Variants in LAMA3 observed in about 807,000 individuals in gnomAD.
LAMA3 encodes the protein laminin subunit alpha 3, also known as laminin subunit alpha-3.
In LAMA3, 281 loss-of-function variants were observed where a neutral mutation model predicts 402.0. The observed-to-expected ratio is 0.70, with a 90% CI of 0.63 to 0.77. The LOEUF (loss-of-function observed/expected upper bound fraction) is 0.77, where lower values mean the gene tolerates loss of function less well. Among genes scored for constraint, LAMA3 ranks in the 30% least tolerant of loss-of-function variants. The pLI, the probability that LAMA3 is intolerant of heterozygous loss-of-function variation, is 0.00. For synonymous variants in LAMA3, 1,431 were observed against 1,558.4 expected, an observed-to-expected ratio of 0.92 and a Z score of 1.93; for missense variants, 3,840 against 4,215.5, an observed-to-expected ratio of 0.91 and a Z score of 2.47.
intron 38 of LAMA3, among the ~76,000 whole-genome samples, chr18:23,873,408 C>T (rs566859326): frequency 4.5e-4 from 68 of 152,260 alleles, no homozygotes; most frequent in African/African-American, 1.3e-3. Flanking sequence ...ACCGCAAACC[C>T]CATTAACATC....
intron 8 of LAMA3, among the ~76,000 whole-genome samples, chr18:23,763,847 T>C (rs572181240): frequency 6.6e-6 from 1 of 152,284 alleles, no homozygotes; most frequent in East Asian, 1.9e-4. Context: ...GGAGGACAAG[T>C]AGTTATTAAT....
chr18:23,801,392 T>A (rs2062863376), intron 12 of LAMA3, among the ~76,000 whole-genome samples: 1 of 152,074 alleles, frequency 6.6e-6, no homozygotes, highest in Non-Finnish European at 1.5e-5. Flanking sequence ...ACACCAAACC[T>A]CAGCAACACT....
chr18:23,740,287 A>G (rs1473320110), intron 2 of LAMA3, among the ~76,000 whole-genome samples: 2 of 152,170 alleles, frequency 1.3e-5, no homozygotes, highest in African/African-American at 4.8e-5. Flanking sequence ...ATGATTAAAG[A>G]CCACTAGGAC....
chr18:23,875,326 A>G (rs1425279032), intron 38 of LAMA3, among the ~76,000 whole-genome samples: 3 of 152,188 alleles, frequency 2.0e-5, no homozygotes, highest in Admixed American at 6.5e-5. Context: ...TTTTAAAAAG[A>G]TATTAGTTCA....
chr18:23,737,566 G>C (rs558101636), intron 2 of LAMA3, among the ~76,000 whole-genome samples: 1 of 152,358 alleles, frequency 6.6e-6, no homozygotes, highest in South Asian at 2.1e-4. Context: ...CCTGATCCAA[G>C]AGTTCACCTG....
chr18:23,696,974 G>C (rs2060696523), intron 1 of LAMA3, among the ~76,000 whole-genome samples: 1 of 152,210 alleles, frequency 6.6e-6, no homozygotes, highest in Admixed American at 6.5e-5. Context: ...TGCAGCTTAA[G>C]AAAATTGTAG....
Position 23,842,505 on chromosome 18 carries a change from C to T in LAMA3, c.3447C>T (p.Gly1149=), listed in dbSNP as rs780866716. Residue 1149 remains glycine, a synonymous_variant, in exon 28 of 75, where the codon GGC becomes GGT. Transcript: ENST00000313654. ...TTCCCGCGCAGGTGTCGGTGGATGG[C>T]GGGTGGCCACGGGCAGGTGAGCTGC... ...PTFPAQVSVD[G]GWPRAGSFHA... The T allele has an allele frequency of 1.2e-5, 19 of 1,614,094 alleles. No homozygotes were observed. Among genetic ancestry groups the T allele is most frequent in the South Asian group, 5.5e-5 (5 of 91,088 alleles).
At chr18:23,844,934 C>T (rs2063780040) in intron 29 of LAMA3, 75 bp from the exon 30 acceptor site, 4 of 879,056 alleles carry the variant, frequency 4.6e-6, no homozygotes, top group Middle Eastern at 2.7e-4. Flanking sequence ...TAGGGGTGCT[C>T]AACCTGTATA....
chr18:23,721,161 TA>T (rs531677468), intron 2 of LAMA3, among the ~76,000 whole-genome samples: 18 of 147,026 alleles, frequency 1.2e-4, no homozygotes, highest in South Asian at 4.4e-4. Flanking sequence ...CTGCCTCTAT[TA>T]AAAAAAAAAG....
chr18:23,833,689 G>A, intron 23 of LAMA3, 139 bp from the exon 24 acceptor site: 1 of 874,018 alleles, frequency 1.1e-6, no homozygotes, highest in Admixed American at 1.8e-5. Context: ...CAACCTGTAG[G>A]ACCATATTCC....
chr18:23,801,217 A>G (rs1202564331), intron 12 of LAMA3, among the ~76,000 whole-genome samples: 1 of 152,222 alleles, frequency 6.6e-6, no homozygotes, highest in African/African-American at 2.4e-5. Context: ...GTTCTCACTT[A>G]TAAGTAGGAG....
chr18:23,919,587 G>T (rs111368312), intron 60 of LAMA3, among the ~76,000 whole-genome samples: 1 of 152,212 alleles, frequency 6.6e-6, no homozygotes, highest in East Asian at 1.9e-4. Flanking sequence ...CAAAGGAAAT[G>T]CTTCCTCTGA....
At position 23,708,609 on chromosome 18, in the gene LAMA3, AT is replaced by A. The variant is rs751731214; in HGVS notation, c.295-5307del. ...TAAATGGCATTTTCTCTTTAATTAA[AT>A]TTTCTAGTTGTTTGCTGCTACTCTA... On this transcript the variant is annotated intron_variant, in intron 1 of 74. Coordinates refer to ENST00000313654, the MANE Select transcript of LAMA3 (RefSeq NM_198129.4). Among the ~76,000 whole-genome samples the A allele has an allele frequency of 2.1e-4, 32 of 152,016 alleles. No homozygotes were observed. In the East Asian group the frequency reaches 4.3e-3, roughly 20 times the overall value.
intron 1 of LAMA3, among the ~76,000 whole-genome samples, chr18:23,706,024 G>A (rs919118560): frequency 5.3e-5 from 8 of 151,836 alleles, no homozygotes; most frequent in East Asian, 1.9e-4. Flanking sequence ...TACGTATTTC[G>A]AAAAAGTAGG....
chr18:23,914,954 A>G (rs1250335400), intron 58 of LAMA3, 94 bp downstream of exon 58: 2 of 1,090,900 alleles, frequency 1.8e-6, no homozygotes, highest in East Asian at 2.6e-5. Flanking sequence ...TACATATAAA[A>G]TGGATTTAAC....
intron 1 of LAMA3, among the ~76,000 whole-genome samples, chr18:23,704,900 C>A (rs2060857847): frequency 6.6e-6 from 1 of 152,102 alleles, no homozygotes; most frequent in African/African-American, 2.4e-5. Flanking sequence ...CTAGGAGAGA[C>A]TACTTTTTTC....
chr18:23,758,080 G>C (rs1954739354), intron 6 of LAMA3, among the ~76,000 whole-genome samples: 1 of 152,190 alleles, frequency 6.6e-6, no homozygotes, highest in Non-Finnish European at 1.5e-5. Context: ...TGTAACAATG[G>C]GGTAGAGAAG....
At chr18:23,833,359 T>C (rs1040819674) in intron 23 of LAMA3, among the ~76,000 whole-genome samples, 1 of 151,358 alleles carries the variant, frequency 6.6e-6, no homozygotes, top group South Asian at 2.1e-4. Flanking sequence ...GTGTGTGTTT[T>C]ACATTATTTC....
At chr18:23,805,841 A>G (rs1444181202) in intron 12 of LAMA3, among the ~76,000 whole-genome samples, 1 of 152,224 alleles carries the variant, frequency 6.6e-6, no homozygotes, top group Non-Finnish European at 1.5e-5. Flanking sequence ...GATTTACCTT[A>G]TAAATGTTTG....
Sources: gnomAD v4.1 joint callset for allele counts (sites outside exome capture counted in the v4.1 genomes callset) on GRCh38, gnomAD v4.1.1 for gene constraint, MANE v1.5 for transcripts, NCBI Gene and HGNC (gene_info 2026-07-23, HGNC 2026-07-21) for gene names.